Variants in DCC observed in about 807,000 individuals in gnomAD.
The protein encoded by DCC is netrin receptor DCC.
Under a neutral mutation model 172.5 loss-of-function variants are expected in DCC, and 58 were observed. The observed-to-expected ratio is 0.34, with a 90% CI of 0.27 to 0.42. The LOEUF (loss-of-function observed/expected upper bound fraction) is 0.42. Among genes scored for constraint, DCC ranks in the 10% least tolerant of loss-of-function variants. The probability of loss-of-function intolerance (pLI) is 1.00; values close to 1 mark genes in which losing one functional copy is unlikely to be tolerated. For missense variants in DCC, 1,740 were observed against 1,791.0 expected (o/e 0.97, Z 0.51); for synonymous variants, 709 against 644.5 (o/e 1.10, Z -1.52).
At chr18:53,279,793 A>C (rs2056849474) in intron 12 of DCC, among the ~76,000 whole-genome samples, 1 of 152,148 alleles carries the variant, frequency 6.6e-6, no homozygotes, top group Non-Finnish European at 1.5e-5. Flanking sequence ...CGCAACATGG[A>C]TGGAGCTGGA....
chr18:52,350,016 C>A (rs1199100487), intron 1 of DCC, among the ~76,000 whole-genome samples: 1 of 152,144 alleles, frequency 6.6e-6, no homozygotes, highest in Non-Finnish European at 1.5e-5. Context: ...TATGGTCTCT[C>A]AAAACTTGTG....
chr18:52,611,727 G>A (rs2034280444), intron 1 of DCC, among the ~76,000 whole-genome samples: 1 of 152,102 alleles, frequency 6.6e-6, no homozygotes, highest in Non-Finnish European at 1.5e-5. Flanking sequence ...AACTGTTTCA[G>A]CCTCAATTTT....
At position 53,053,282 on chromosome 18, in the gene DCC, A is replaced by G. The variant is rs535100309; in HGVS notation, c.986-10023A>G. Among the ~76,000 whole-genome samples the G allele has an allele frequency of 4.6e-5, 7 of 152,294 alleles. No individual in the cohort carries two copies. The East Asian group carries it at 7.7e-4, about 17-fold the overall frequency. The stretch of plus-strand genomic sequence containing the variant: ...CTTAGACTTTCCCCCAAATTTCAGG[A>G]AAATTTCTGGGGTTTAAGGGAAGAT... On this transcript the variant is annotated intron_variant, in intron 5 of 28. Transcript: ENST00000442544.
rs2057804562 is a variant in DCC at position 53,351,407 on chromosome 18, A to ATATACTG, written c.2359+11504_2359+11505insCTGTATA. Among the ~76,000 whole-genome samples the ATATACTG allele has an allele frequency of 5.2e-4, 10 of 19,144 alleles. 1 individual carries two copies. Among genetic ancestry groups the ATATACTG allele is most frequent in the East Asian group, 4.8e-3 (4 of 838 alleles). The allele number at this position is 19,144 out of a possible 152,430, so 12.6% of individuals were successfully genotyped here. A position where few individuals can be genotyped will look rare whatever the true frequency, so the allele number is the denominator to read the frequency against. ...CAGTATATATATATACAGTGTATAT[A>ATATACTG]TATATATATACACACTGTGTATATA... On this transcript the variant is annotated intron_variant, in intron 15 of 28. Coordinates refer to ENST00000442544, the MANE Select transcript of DCC (RefSeq NM_005215.4).
intron 13 of DCC, among the ~76,000 whole-genome samples, chr18:53,315,466 G>A (rs1282082074): frequency 1.3e-5 from 2 of 152,084 alleles, no homozygotes; most frequent in Non-Finnish European, 1.5e-5. Context: ...ATAATCCTTT[G>A]GGTATATACC....
At chr18:53,392,462 T>A (rs1316927957) in intron 17 of DCC, among the ~76,000 whole-genome samples, 1 of 152,186 alleles carries the variant, frequency 6.6e-6, no homozygotes, top group Non-Finnish European at 1.5e-5. Context: ...ACCAGCTCTC[T>A]GTTCTTGTCC....
At chr18:52,935,560 T>C (rs2040369504) in intron 5 of DCC, among the ~76,000 whole-genome samples, 1 of 152,124 alleles carries the variant, frequency 6.6e-6, no homozygotes, top group Admixed American at 6.6e-5. Flanking sequence ...TTCCTTTTAT[T>C]TTTTGCATAG....
At chr18:52,677,333 A>C (rs1318949121) in intron 1 of DCC, among the ~76,000 whole-genome samples, 1 of 152,196 alleles carries the variant, frequency 6.6e-6, no homozygotes, top group Non-Finnish European at 1.5e-5. Context: ...AAAAAAGAGA[A>C]GTGGTTAAAT....
intron 9 of DCC, among the ~76,000 whole-genome samples, chr18:53,199,678 A>G (rs1332188221): frequency 6.6e-6 from 1 of 152,014 alleles, no homozygotes; most frequent in East Asian, 1.9e-4. Context: ...AATTTCTGGC[A>G]TTTTTGTGAA....
intron 13 of DCC, among the ~76,000 whole-genome samples, chr18:53,311,246 C>A (rs1030598686): frequency 2.0e-5 from 3 of 152,046 alleles, no homozygotes; most frequent in African/African-American, 7.3e-5. Context: ...CTCAGCCTCA[C>A]CAGTAGCTGG....
intron 5 of DCC, among the ~76,000 whole-genome samples, chr18:53,001,114 A>T (rs2143843010): frequency 6.6e-6 from 1 of 152,158 alleles, no homozygotes; most frequent in South Asian, 2.1e-4. Flanking sequence ...TAAGCAAGAT[A>T]GTTGGTAGTA....
At chr18:53,507,652 G>GAAAACAATGATAA (rs1555680701) in intron 27 of DCC, among the ~76,000 whole-genome samples, 1 of 152,076 alleles carries the variant, frequency 6.6e-6, no homozygotes, top group Non-Finnish European at 1.5e-5. Flanking sequence ...TTTTTTGGTG[G>GAAAACAATGATAA]AAAACAATGA....
At chr18:52,828,589 T>C (rs1371307673) in intron 2 of DCC, among the ~76,000 whole-genome samples, 1 of 152,114 alleles carries the variant, frequency 6.6e-6, no homozygotes, top group Non-Finnish European at 1.5e-5. Flanking sequence ...TTTGTTGTCA[T>C]TGTGAATAAG....
intron 17 of DCC, among the ~76,000 whole-genome samples, chr18:53,396,329 T>C (rs528867102): frequency 7.9e-5 from 12 of 152,334 alleles, no homozygotes; most frequent in African/African-American, 2.4e-4. Flanking sequence ...ATGGAAAATA[T>C]ACTTTAATGG....
chr18:53,284,817 A>T (rs573012508), intron 12 of DCC, among the ~76,000 whole-genome samples: 1 of 152,276 alleles, frequency 6.6e-6, no homozygotes, highest in East Asian at 1.9e-4. Flanking sequence ...CGATAATGAC[A>T]TGGACAATGA....
chr18:53,527,090 CGTGTGTGTGTGTGTGTGTGTGTGTGTGT>C (rs200516080), intron 28 of DCC: 3 of 204,706 alleles, frequency 1.5e-5, no homozygotes, highest in Non-Finnish European at 3.0e-5. Flanking sequence ...CACATGGATA[CGTGTGTGTGTGTGTGTGTGTGTGTGTGT>C]GTGTGTGTGT....
chr18:52,479,234 C>G lies in DCC; in HGVS notation c.91+138356C>G, dbSNP rs947572617. Among the ~76,000 whole-genome samples, 8 of 152,278 alleles carry G rather than the reference C, an allele frequency of 5.3e-5. No individual in the cohort carries two copies. In the East Asian group the frequency reaches 1.5e-3, roughly 29 times the overall value. ...AAATACTTAAGCACATATAGATTTTCTCTTCTTAAGAGGATGGATTTAATC... is the reference window on the plus strand; with the variant it reads ...AAATACTTAAGCACATATAGATTTTGTCTTCTTAAGAGGATGGATTTAATC... On this transcript the variant is annotated intron_variant, in intron 1 of 28. Transcript: ENST00000442544.
At chr18:52,591,602 A>C (rs1349891931) in intron 1 of DCC, among the ~76,000 whole-genome samples, 27 of 151,914 alleles carry the variant, frequency 1.8e-4, no homozygotes, top group Admixed American at 1.8e-3. Flanking sequence ...CACATTGCCA[A>C]ATTACACTGT....
chr18:53,201,496 T>C (rs900053864), intron 9 of DCC, among the ~76,000 whole-genome samples: 2 of 152,200 alleles, frequency 1.3e-5, no homozygotes, highest in Non-Finnish European at 2.9e-5. Flanking sequence ...TGTAGAGGAA[T>C]AATAGGTTCA....
Sources: gnomAD v4.1 joint callset for allele counts (sites outside exome capture counted in the v4.1 genomes callset) on GRCh38, gnomAD v4.1.1 for gene constraint, MANE v1.5 for transcripts, NCBI Gene and HGNC (gene_info 2026-07-23, HGNC 2026-07-21) for gene names.